Variants in TRABD2B observed in about 807,000 individuals in gnomAD.
TRABD2B encodes TraB domain containing 2B.
A neutral mutation model predicts 40.1 loss-of-function variants in TRABD2B; 14 were observed. The observed-to-expected ratio is 0.35, with a 90% CI of 0.23 to 0.55. The LOEUF (loss-of-function observed/expected upper bound fraction) is 0.55, where lower values mean the gene tolerates loss of function less well. Ranked by LOEUF, TRABD2B falls within the 20% of genes least tolerant of loss-of-function variation. The probability of loss-of-function intolerance (pLI) is 0.90; values close to 1 mark genes in which losing one functional copy is unlikely to be tolerated. For missense variants in TRABD2B, 541 were observed against 648.6 expected, an observed-to-expected ratio of 0.83 and a Z score of 1.80; for synonymous variants, 263 against 277.0, an observed-to-expected ratio of 0.95 and a Z score of 0.50.
At chr1:47,971,569 C>G (rs1645682859) in intron 2 of TRABD2B, among the ~76,000 whole-genome samples, 1 of 152,244 alleles carries the variant, frequency 6.6e-6, no homozygotes, top group Non-Finnish European at 1.5e-5. Flanking sequence ...TCCCTACACT[C>G]AGATACCACA....
intron 2 of TRABD2B, among the ~76,000 whole-genome samples, chr1:47,904,299 G>C (rs1644645953): frequency 6.6e-6 from 1 of 152,150 alleles, no homozygotes; most frequent in Non-Finnish European, 1.5e-5. Context: ...GCTGGGATGG[G>C]GGAAGCACAG....
intron 2 of TRABD2B, among the ~76,000 whole-genome samples, chr1:47,892,791 G>A (rs188596574): frequency 6.6e-6 from 1 of 152,338 alleles, no homozygotes; most frequent in African/African-American, 2.4e-5. Flanking sequence ...TCACACACTG[G>A]AGGAAATGGA....
At chr1:47,897,457 G>C (rs932316919) in intron 2 of TRABD2B, among the ~76,000 whole-genome samples, 5 of 152,154 alleles carry the variant, frequency 3.3e-5, no homozygotes, top group African/African-American at 1.2e-4. Flanking sequence ...CAGGCTCAGA[G>C]GTGTATCCAG....
chr1:47,778,662 C>A, intron 4 of TRABD2B, 118 bp from the exon 5 acceptor site: 1 of 711,662 alleles, frequency 1.4e-6, no homozygotes, highest in Non-Finnish European at 2.5e-6. Flanking sequence ...AAAGTCAATG[C>A]CCCAGATTCC....
chr1:47,955,389 C>T (rs563031120), intron 2 of TRABD2B, among the ~76,000 whole-genome samples: 26 of 152,264 alleles, frequency 1.7e-4, no homozygotes, highest in African/African-American at 6.0e-4. Flanking sequence ...TCCACGTCAC[C>T]ATCTGATCCA....
At chr1:47,976,257 C>CCTT (rs1421491787) in intron 2 of TRABD2B, among the ~76,000 whole-genome samples, 1 of 152,184 alleles carries the variant, frequency 6.6e-6, no homozygotes, top group Non-Finnish European at 1.5e-5. Context: ...AAGAAGCCAA[C>CCTT]CTTCTACCCC....
intron 2 of TRABD2B, among the ~76,000 whole-genome samples, chr1:47,951,805 C>T (rs566750234): frequency 1.3e-5 from 2 of 152,274 alleles, no homozygotes; most frequent in South Asian, 4.2e-4. Context: ...ACAGCAGTGG[C>T]CCATGCTTCT....
At chr1:47,849,275 T>C (rs1335688805) in intron 2 of TRABD2B, among the ~76,000 whole-genome samples, 4 of 152,076 alleles carry the variant, frequency 2.6e-5, no homozygotes, top group Non-Finnish European at 5.9e-5. Context: ...AAGAGGTGGA[T>C]TGGGAAACAC....
At chr1:47,977,088 C>T (rs1429709968) in intron 2 of TRABD2B, among the ~76,000 whole-genome samples, 5 of 148,634 alleles carry the variant, frequency 3.4e-5, no homozygotes, top group South Asian at 2.1e-4. Context: ...TTTTTTTTCC[C>T]GCGAGACAGA....
chr1:47,780,752 G>A lies in TRABD2B; in HGVS notation c.989-2208C>T, dbSNP rs1383193876. On this transcript the variant is annotated intron_variant, in intron 4 of 6. Coordinates refer to ENST00000606738, the MANE Select transcript of TRABD2B (RefSeq NM_001194986.2). ...TGTGCAATGACTAGGAGGTGAATGA[G>A]GCACATTTGGGAAGCTAACTGCAGA... 2.0e-5 allele frequency among the ~76,000 whole-genome samples: 3 copies of A among 152,196 alleles called. No homozygotes were observed. The East Asian group carries it at 5.8e-4, about 29-fold the overall frequency.
intron 4 of TRABD2B, among the ~76,000 whole-genome samples, chr1:47,787,874 G>A (rs1644618296): frequency 6.6e-6 from 1 of 152,180 alleles, no homozygotes; most frequent in East Asian, 1.9e-4. Flanking sequence ...GAGAGAGGCT[G>A]TGATAGCAAA....
chr1:47,787,572 T>G (rs1431399311), intron 4 of TRABD2B, among the ~76,000 whole-genome samples: 1 of 152,206 alleles, frequency 6.6e-6, no homozygotes, highest in Non-Finnish European at 1.5e-5. Context: ...ATTGCATGGT[T>G]TACTCAGCAG....
At chr1:47,838,205 C>T (rs1645345251) in intron 2 of TRABD2B, among the ~76,000 whole-genome samples, 2 of 152,234 alleles carry the variant, frequency 1.3e-5, no homozygotes, top group African/African-American at 4.8e-5. Context: ...TCAGACACAT[C>T]CATGGCTGGT....
At chr1:47,802,826 C>T (rs1217259444) in intron 2 of TRABD2B, among the ~76,000 whole-genome samples, 2 of 152,194 alleles carry the variant, frequency 1.3e-5, no homozygotes, top group African/African-American at 4.8e-5. Context: ...TTTAAATGCA[C>T]AAATCTGATG....
chr1:47,784,628 C>A (rs1464213457), intron 4 of TRABD2B, among the ~76,000 whole-genome samples: 1 of 152,232 alleles, frequency 6.6e-6, no homozygotes, highest in Non-Finnish European at 1.5e-5. Flanking sequence ...GCTGCCAGGA[C>A]AGGCCGGCCG....
At chr1:47,829,897 C>T (rs1645226300) in intron 2 of TRABD2B, among the ~76,000 whole-genome samples, 1 of 152,318 alleles carries the variant, frequency 6.6e-6, no homozygotes, top group African/African-American at 2.4e-5. Flanking sequence ...TCTCTTGTCA[C>T]TACTCACCCC....
intron 2 of TRABD2B, among the ~76,000 whole-genome samples, chr1:47,975,152 C>G (rs1342553807): frequency 1.3e-5 from 2 of 152,112 alleles, no homozygotes; most frequent in Non-Finnish European, 2.9e-5. Context: ...AACATATGGA[C>G]TTTAGTTAAT....
chr1:47,841,813 C>G (rs1447338896), intron 2 of TRABD2B, among the ~76,000 whole-genome samples: 2 of 140,618 alleles, frequency 1.4e-5, no homozygotes, highest in Non-Finnish European at 1.5e-5. Context: ...GAGACAGAGT[C>G]TCGCTCTGTC....
At position 47,765,269 on chromosome 1, in the gene TRABD2B, G is replaced by A. The variant is rs1263309557; in HGVS notation, c.*633C>T. The A allele has an allele frequency of 6.6e-6, 1 of 152,338 alleles. No individual in the cohort carries two copies. The highest frequency in any genetic ancestry group is 1.5e-5 in the Non-Finnish European group (1 of 68,246). 9.4% of individuals were successfully genotyped at this position (152,338 alleles called of 1,614,324 possible). Reference sequence around the variant, plus strand: ...ATCCCACCTCCCACCCCACCCCAGCGCTTTGGTTGAAAACACTTACCAAGA... The same window carrying A: ...ATCCCACCTCCCACCCCACCCCAGCACTTTGGTTGAAAACACTTACCAAGA... On this transcript the variant is annotated 3_prime_UTR_variant, in exon 7 of 7. Coordinates refer to ENST00000606738, the MANE Select transcript of TRABD2B (RefSeq NM_001194986.2).
Sources: allele counts gnomAD v4.1 joint callset (sites outside exome capture counted in the v4.1 genomes callset), GRCh38; gene constraint gnomAD v4.1.1; transcripts MANE v1.5; gene names NCBI Gene and HGNC (gene_info 2026-07-23, HGNC 2026-07-21).